Variants in ADGRL3 observed in about 807,000 individuals in gnomAD.
The protein encoded by ADGRL3 is adhesion G protein-coupled receptor L3.
A neutral mutation model predicts 153.5 loss-of-function variants in ADGRL3; 62 were observed. That is an observed-to-expected ratio of 0.40 (90% CI 0.33 to 0.50). The LOEUF (loss-of-function observed/expected upper bound fraction) is 0.50, where lower values mean the gene tolerates loss of function less well. Ranked by LOEUF, ADGRL3 falls within the 20% of genes least tolerant of loss-of-function variation. The pLI is 0.47. For missense variants in ADGRL3, 1,641 were observed against 1,859.4 expected, an observed-to-expected ratio of 0.88 and a Z score of 2.16; for synonymous variants, 710 against 672.5, an observed-to-expected ratio of 1.06 and a Z score of -0.86.
At chr4:61,667,436 A>G (rs540777196) in intron 5 of ADGRL3, among the ~76,000 whole-genome samples, 17 of 152,128 alleles carry the variant, frequency 1.1e-4, no homozygotes, top group Non-Finnish European at 2.4e-4. Context: ...GGGAATTCAT[A>G]AATTGTATTT....
chr4:61,534,987 T>G (rs903987776), intron 4 of ADGRL3, among the ~76,000 whole-genome samples: 1 of 152,130 alleles, frequency 6.6e-6, no homozygotes, highest in Non-Finnish European at 1.5e-5. Context: ...ATAGGAGTGC[T>G]GAGAAGTGGA....
chr4:61,747,035 G>C (rs987483518), intron 8 of ADGRL3, among the ~76,000 whole-genome samples: 1 of 152,156 alleles, frequency 6.6e-6, no homozygotes, highest in East Asian at 1.9e-4. Context: ...TATCACTGCC[G>C]ATCTCACAGA....
At chr4:61,759,380 C>CT (rs1320196699) in intron 8 of ADGRL3, among the ~76,000 whole-genome samples, 1 of 152,052 alleles carries the variant, frequency 6.6e-6, no homozygotes, top group Non-Finnish European at 1.5e-5. Flanking sequence ...TCTTTTTATT[C>CT]TTTTTTCTCT....
chr4:61,270,505 C>T (rs1474993341), intron 1 of ADGRL3, among the ~76,000 whole-genome samples: 1 of 151,644 alleles, frequency 6.6e-6, no homozygotes, highest in Non-Finnish European at 1.5e-5. Context: ...TTTCCTGAAG[C>T]ATATCTGTCT....
chr4:61,760,326 G>C (rs1358747930), intron 8 of ADGRL3, among the ~76,000 whole-genome samples: 1 of 152,174 alleles, frequency 6.6e-6, no homozygotes, highest in African/African-American at 2.4e-5. Flanking sequence ...CTTCCCAGCA[G>C]CTTTGTTTAC....
chr4:61,957,945 G>A (rs10008326), intron 17 of ADGRL3, among the ~76,000 whole-genome samples: 50,667 of 151,858 alleles, frequency 0.33, 9,025 homozygotes, highest in East Asian at 0.62. Context: ...ATCGTTTTCA[G>A]TGTTTCACAA....
chr4:61,912,875 G>C (rs1428354380), intron 13 of ADGRL3, 118 bp downstream of exon 13: 1 of 944,812 alleles, frequency 1.1e-6, no homozygotes, highest in East Asian at 2.5e-5. Context: ...GAATTTCATG[G>C]AGGGGGAGAA....
At chr4:61,387,365 A>G (rs1456347619) in intron 2 of ADGRL3, among the ~76,000 whole-genome samples, 1 of 152,188 alleles carries the variant, frequency 6.6e-6, no homozygotes, top group East Asian at 1.9e-4. Context: ...ACATCTTATC[A>G]GGAGACGAGG....
At chr4:61,690,827 T>C (rs1437195589) in intron 6 of ADGRL3, among the ~76,000 whole-genome samples, 1 of 152,172 alleles carries the variant, frequency 6.6e-6, no homozygotes, top group Non-Finnish European at 1.5e-5. Flanking sequence ...TCCTGCTCTG[T>C]TACTTATCAA....
chr4:61,777,356 CT>C (rs2097164843), intron 8 of ADGRL3, among the ~76,000 whole-genome samples: 1 of 151,824 alleles, frequency 6.6e-6, no homozygotes, highest in African/African-American at 2.4e-5. Flanking sequence ...GAAAATTTCT[CT>C]AAAAAAAGGT....
chr4:61,363,151 A>G (rs923534423), intron 1 of ADGRL3, among the ~76,000 whole-genome samples: 1 of 152,138 alleles, frequency 6.6e-6, no homozygotes, highest in Non-Finnish European at 1.5e-5. Context: ...CAGTTTCTCT[A>G]TTTAAGCAAT....
In ADGRL3 at chr4:61,979,576, T is replaced by C. The variant is rs762654714; in HGVS notation, c.2819T>C (p.Val940Ala). ...TTGTGTTTCCAGCACAGTGATGCGG[T>C]CCATGACCTCCTTCTGGATGTGATC... is the stretch of plus-strand genomic sequence containing the variant. Reference protein sequence around the residue: ...AHVEVKHSDAVHDLLLDVITW... With the variant: ...AHVEVKHSDAAHDLLLDVITW... The change falls in exon 18 of 27, where the codon GTC becomes GCC. Residue 940 changes from valine to alanine, a missense_variant. Coordinates refer to ENST00000683033, the MANE Select transcript of ADGRL3 (RefSeq NM_001387552.1). 4.3e-6 allele frequency: 7 copies of C among 1,613,688 alleles called. No homozygotes were observed. The East Asian group carries it at 1.6e-4, about 36-fold the overall frequency.
chr4:62,061,628 C>T (rs1026760618), intron 25 of ADGRL3, among the ~76,000 whole-genome samples: 1 of 151,996 alleles, frequency 6.6e-6, no homozygotes, highest in Non-Finnish European at 1.5e-5. Context: ...CTCCATCTTT[C>T]ACCCCTGGCA....
intron 4 of ADGRL3, among the ~76,000 whole-genome samples, chr4:61,544,591 A>T (rs1409425631): frequency 6.6e-6 from 1 of 152,166 alleles, no homozygotes; most frequent in Non-Finnish European, 1.5e-5. Context: ...TTATATTTGC[A>T]AGTATTACCT....
chr4:61,528,661 T>A (rs1196424223), intron 4 of ADGRL3, among the ~76,000 whole-genome samples: 2 of 152,064 alleles, frequency 1.3e-5, no homozygotes, highest in Non-Finnish European at 2.9e-5. Context: ...ATTTGTTTAT[T>A]CTCTAGCCAG....
chr4:61,977,443 G>A (rs2099052097), intron 17 of ADGRL3, among the ~76,000 whole-genome samples: 1 of 152,142 alleles, frequency 6.6e-6, no homozygotes, highest in South Asian at 2.1e-4. Flanking sequence ...AATTTAAGCT[G>A]TCGCAGACCC....
At chr4:61,744,539 G>A (rs545314774) in intron 8 of ADGRL3, among the ~76,000 whole-genome samples, 84 of 152,316 alleles carry the variant, frequency 5.5e-4, no homozygotes, top group Non-Finnish European at 8.8e-4. Flanking sequence ...CTATCAGGCA[G>A]CAGCGTTTGT....
chr4:61,429,540 C>T (rs374192681), intron 2 of ADGRL3, among the ~76,000 whole-genome samples: 97 of 152,234 alleles, frequency 6.4e-4, no homozygotes, highest in African/African-American at 2.2e-3. Context: ...CCCCCCACTT[C>T]TGTAGCTTAG....
chr4:61,732,298 G>T (rs1205650697), intron 7 of ADGRL3, among the ~76,000 whole-genome samples: 1 of 152,052 alleles, frequency 6.6e-6, no homozygotes, highest in East Asian at 1.9e-4. Flanking sequence ...ATTACTATGA[G>T]ATATTCATCT....
Sources: gnomAD v4.1 joint callset for allele counts (sites outside exome capture counted in the v4.1 genomes callset) on GRCh38, gnomAD v4.1.1 for gene constraint, MANE v1.5 for transcripts, NCBI Gene and HGNC (gene_info 2026-07-23, HGNC 2026-07-21) for gene names.